The following SYT1 variants were observed in gnomAD, a reference collection of about 807,000 sequenced individuals.
The protein encoded by SYT1 is synaptotagmin 1, also known as synaptotagmin-1.
Under a neutral mutation model 44.8 loss-of-function variants are expected in SYT1, and 8 were observed. That is an observed-to-expected ratio of 0.18 (90% CI 0.10 to 0.32). The LOEUF (loss-of-function observed/expected upper bound fraction) is 0.32. SYT1 is among the 10% of genes least tolerant of loss of function. The probability of loss-of-function intolerance (pLI) is 1.00; values close to 1 mark genes in which losing one functional copy is unlikely to be tolerated. For missense variants in SYT1, 286 were observed against 509.3 expected (o/e 0.56, Z 4.22); for synonymous variants, 154 against 188.8 (o/e 0.82, Z 1.51).
intron 3 of SYT1, among the ~76,000 whole-genome samples, chr12:79,181,850 C>T (rs531315933): frequency 6.6e-6 from 1 of 152,160 alleles, no homozygotes; most frequent in Admixed American, 6.6e-5. Flanking sequence ...TCAATTCTAT[C>T]ATCCCTTTTC....
At chr12:79,302,767 G>A (rs907654113) in intron 8 of SYT1, among the ~76,000 whole-genome samples, 1 of 152,036 alleles carries the variant, frequency 6.6e-6, no homozygotes, top group Non-Finnish European at 1.5e-5. Context: ...TTTCAGTGAT[G>A]CACGGTCGAC....
intron 9 of SYT1, among the ~76,000 whole-genome samples, chr12:79,424,953 C>CTTTTTTTTTTTTTTTTTT (rs398040025): frequency 2.1e-4 from 18 of 85,216 alleles, no homozygotes; most frequent in Non-Finnish European, 3.3e-4. Context: ...TTTTCTTCTT[C>CTTTTTTTTTTTTTTTTTT]TTTTTTTTTT....
At chr12:79,067,501 A>C (rs1264670312) in intron 3 of SYT1, among the ~76,000 whole-genome samples, 1 of 152,174 alleles carries the variant, frequency 6.6e-6, no homozygotes, top group African/African-American at 2.4e-5. Flanking sequence ...TTTAACATTT[A>C]AGATGCTTTA....
intron 4 of SYT1, among the ~76,000 whole-genome samples, chr12:79,257,890 A>G (rs895120364): frequency 6.6e-6 from 1 of 152,168 alleles, no homozygotes; most frequent in Non-Finnish European, 1.5e-5. Context: ...TTGGCGGTGA[A>G]AATTCCTTAC....
chr12:79,294,058 C>A (rs983737459), intron 6 of SYT1, among the ~76,000 whole-genome samples: 2 of 151,886 alleles, frequency 1.3e-5, no homozygotes, highest in Non-Finnish European at 2.9e-5. Flanking sequence ...CTATATGCAT[C>A]CAGTATTTTT....
rs770970548 is a variant in SYT1, at chr12:79,308,509, AAAAG to A, written c.810+8973_810+8976del. Among the ~76,000 whole-genome samples, 61 of 148,530 alleles carry A rather than the reference AAAAG, an allele frequency of 4.1e-4. 1 individual carries two copies. The highest frequency in any genetic ancestry group is 1.2e-3 in the Admixed American group (18 of 14,920). On this transcript the variant is annotated intron_variant, in intron 8 of 10. Coordinates refer to ENST00000261205, the MANE Select transcript of SYT1 (RefSeq NM_005639.3). ...TATACAACAAGAGCGAAACTCCGTC[AAAAG>A]AAAGAAAGAAAGAAGAAATAAAGAA...
intron 5 of SYT1, chr12:79,291,779 G>A (rs1041246366): frequency 3.2e-6 from 2 of 634,426 alleles, no homozygotes; most frequent in African/African-American, 3.6e-5. Flanking sequence ...TATTCTGAGG[G>A]GCTTCTTCCA....
intron 6 of SYT1, among the ~76,000 whole-genome samples, chr12:79,293,652 A>C (rs1381541019): frequency 6.6e-6 from 1 of 152,176 alleles, no homozygotes; most frequent in East Asian, 1.9e-4. Flanking sequence ...GAGAGCTCTA[A>C]GCAGTTGCAG....
At chr12:79,040,183 C>G (rs1873447657) in intron 2 of SYT1, among the ~76,000 whole-genome samples, 1 of 151,792 alleles carries the variant, frequency 6.6e-6, no homozygotes, top group East Asian at 1.9e-4. Flanking sequence ...TTCCAGATCC[C>G]TGAGGAATCG....
chr12:79,292,760 G>A (rs532258711), intron 6 of SYT1, among the ~76,000 whole-genome samples: 1 of 151,986 alleles, frequency 6.6e-6, no homozygotes, highest in East Asian at 1.9e-4. Flanking sequence ...GTAACAAAAC[G>A]GACATTTTTG....
intron 1 of SYT1, among the ~76,000 whole-genome samples, chr12:78,900,632 GAGGA>G (rs1256438958): frequency 6.6e-6 from 1 of 152,058 alleles, no homozygotes; most frequent in Non-Finnish European, 1.5e-5. Flanking sequence ...TGGAGAACTG[GAGGA>G]AGGAAGTGGA....
At chr12:78,990,722 G>A (rs1869959028) in intron 2 of SYT1, among the ~76,000 whole-genome samples, 1 of 152,150 alleles carries the variant, frequency 6.6e-6, no homozygotes, top group South Asian at 2.1e-4. Flanking sequence ...AATAGCTGGT[G>A]TAAGAGCTTA....
At chr12:78,953,778 G>A (rs957754586) in intron 1 of SYT1, among the ~76,000 whole-genome samples, 3 of 152,042 alleles carry the variant, frequency 2.0e-5, no homozygotes, top group African/African-American at 7.2e-5. Flanking sequence ...TGAGAAATAA[G>A]GAAGGAATAT....
intron 8 of SYT1, among the ~76,000 whole-genome samples, chr12:79,347,969 C>T (rs981080219): frequency 2.6e-5 from 4 of 152,014 alleles, no homozygotes; most frequent in African/African-American, 9.7e-5. Context: ...ATACCAGTAT[C>T]TAGGAGAATA....
chr12:79,417,571 G>A (rs78768412), intron 9 of SYT1, among the ~76,000 whole-genome samples: 7,828 of 152,054 alleles, frequency 0.051, 459 homozygotes, highest in East Asian at 0.21. Flanking sequence ...TATTTAATTG[G>A]TTTTAATTAG....
chr12:78,963,113 T>A (rs1329187231), intron 1 of SYT1, among the ~76,000 whole-genome samples: 1 of 152,108 alleles, frequency 6.6e-6, no homozygotes, highest in Non-Finnish European at 1.5e-5. Context: ...CAAGTGTCAT[T>A]CATGTCGCTG....
At chr12:78,933,367 CA>C (rs1388759800) in intron 1 of SYT1, among the ~76,000 whole-genome samples, 1 of 151,758 alleles carries the variant, frequency 6.6e-6, no homozygotes, top group Non-Finnish European at 1.5e-5. Context: ...GTGAAGAGGT[CA>C]AAAAAGGAGC....
At chr12:79,062,268 C>T (rs1875446684) in intron 3 of SYT1, among the ~76,000 whole-genome samples, 1 of 152,116 alleles carries the variant, frequency 6.6e-6, no homozygotes, top group African/African-American at 2.4e-5. Flanking sequence ...TTGTGTTTTG[C>T]TTGGGAAAGA....
chr12:79,004,967 T>C (rs911500202), intron 2 of SYT1, among the ~76,000 whole-genome samples: 29 of 152,084 alleles, frequency 1.9e-4, no homozygotes, highest in African/African-American at 6.0e-4. Flanking sequence ...AGCTTAACTT[T>C]AGTTGTATGA....
Sources: allele counts gnomAD v4.1 joint callset (sites outside exome capture counted in the v4.1 genomes callset), GRCh38; gene constraint gnomAD v4.1.1; transcripts MANE v1.5; gene names NCBI Gene and HGNC (gene_info 2026-07-23, HGNC 2026-07-21).